MAPK10: variants seen among roughly 807,000 people sequenced by gnomAD.
MAPK10 encodes the protein mitogen-activated protein kinase 10.
MAPK10 carries 25 observed loss-of-function variants against 59.3 expected under a neutral mutation model. That is an observed-to-expected ratio of 0.42 (90% CI 0.31 to 0.59). MAPK10 has a LOEUF of 0.59. MAPK10 is among the 20% of genes least tolerant of loss of function. The pLI, the probability that MAPK10 is intolerant of heterozygous loss-of-function variation, is 0.15. For missense variants in MAPK10, 351 were observed against 568.9 expected, an observed-to-expected ratio of 0.62 and a Z score of 3.90; for synonymous variants, 190 against 200.5, an observed-to-expected ratio of 0.95 and a Z score of 0.44.
At chr4:86,356,947 G>T (rs892136698) in intron 1 of MAPK10, 3 of 152,194 alleles carry the variant, frequency 2.0e-5, no homozygotes, top group Non-Finnish European at 4.4e-5. Flanking sequence ...GCACTCAGCA[G>T]TCCTGCAGCA....
At chr4:86,436,111 A>G (rs1391219449) in intron 1 of MAPK10, among the ~76,000 whole-genome samples, 1 of 152,224 alleles carries the variant, frequency 6.6e-6, no homozygotes, top group African/African-American at 2.4e-5. Context: ...CTATTCAAGC[A>G]GGGAACTTGG....
chr4:86,413,311 G>A (rs1045031477), intron 1 of MAPK10, among the ~76,000 whole-genome samples: 9 of 152,132 alleles, frequency 5.9e-5, no homozygotes, highest in African/African-American at 1.4e-4. Flanking sequence ...CCTGTATGAC[G>A]TGTCTGTCGG....
At chr4:86,237,485 G>A (rs560479693) in intron 2 of MAPK10, among the ~76,000 whole-genome samples, 13 of 152,186 alleles carry the variant, frequency 8.5e-5, no homozygotes, top group South Asian at 2.1e-4. Flanking sequence ...GTATAAAAGC[G>A]TTGCTATTTC....
intron 2 of MAPK10, among the ~76,000 whole-genome samples, chr4:86,204,345 T>C (rs2083334181): frequency 6.6e-6 from 1 of 152,004 alleles, no homozygotes. Context: ...AAAACTTAGA[T>C]GTTTCTTAAA....
intron 1 of MAPK10, among the ~76,000 whole-genome samples, chr4:86,431,120 G>GA (rs1284823190): frequency 6.6e-6 from 1 of 151,316 alleles, no homozygotes; most frequent in Admixed American, 6.6e-5. Context: ...AGAAAGAAAA[G>GA]AAAAAAGAAA....
chr4:86,202,947 A>T (rs996385334), intron 2 of MAPK10, among the ~76,000 whole-genome samples: 8 of 151,964 alleles, frequency 5.3e-5, no homozygotes, highest in Non-Finnish European at 1.2e-4. Context: ...AAATTACAAA[A>T]AATTCGTTTG....
At chr4:86,430,922 G>A (rs113319436) in intron 1 of MAPK10, among the ~76,000 whole-genome samples, 55 of 152,200 alleles carry the variant, frequency 3.6e-4, no homozygotes, top group African/African-American at 1.2e-3. Context: ...TGAAATATTC[G>A]TATGCTTTTC....
At chr4:86,438,118 G>C (rs1748981999) in intron 1 of MAPK10, among the ~76,000 whole-genome samples, 2 of 152,102 alleles carry the variant, frequency 1.3e-5, no homozygotes, top group Admixed American at 6.5e-5. Flanking sequence ...GGGCATAAAT[G>C]GGGGAGGAGG....
intron 1 of MAPK10, among the ~76,000 whole-genome samples, chr4:86,439,227 C>T (rs988777247): frequency 5.3e-5 from 8 of 152,092 alleles, no homozygotes; most frequent in Non-Finnish European, 1.0e-4. Context: ...TTTATCAGTT[C>T]TCTTACCCTA....
chr4:86,495,644 G>A (rs570180235), intron 1 of MAPK10, among the ~76,000 whole-genome samples: 1 of 152,268 alleles, frequency 6.6e-6, no homozygotes, highest in East Asian at 1.9e-4. Flanking sequence ...TCCAAACAAA[G>A]ATGAGATATG....
rs1413368987 is a variant in MAPK10, at chr4:86,252,074, C to T, written c.-6-57667G>A. Among the ~76,000 whole-genome samples the T allele has an allele frequency of 1.8e-4, 21 of 119,476 alleles. 2 individuals carry two copies. The highest frequency in any genetic ancestry group is 4.0e-4 in the East Asian group (2 of 4,968). The allele number at this position is 119,476 out of a possible 152,430, so 78.4% of individuals were successfully genotyped here. A position where few individuals can be genotyped will look rare whatever the true frequency, so the allele number is the denominator to read the frequency against. ...TTCATTGTAGCTTCTGGATATTAGC[C>T]CTTTGTCAGATGAGTAGGTTGCGAA... On this transcript the variant is annotated intron_variant, in intron 2 of 13. Coordinates refer to ENST00000641462, the MANE Select transcript of MAPK10 (RefSeq NM_138982.4).
At chr4:86,364,377 C>G (rs184279089), upstream of MAPK10, among the ~76,000 whole-genome samples, 423 of 152,248 alleles carry the variant, frequency 2.8e-3, 3 homozygotes, top group African/African-American at 9.8e-3. Flanking sequence ...GATCCACCCA[C>G]CTTGACCTCC....
chr4:86,224,123 G>C (rs1425222392), intron 2 of MAPK10, among the ~76,000 whole-genome samples: 1 of 151,646 alleles, frequency 6.6e-6, no homozygotes, highest in Non-Finnish European at 1.5e-5. Context: ...CTAATGATCT[G>C]AGTGCACTGA....
At chr4:86,549,820 G>A (rs927569985) in intron 1 of MAPK10, among the ~76,000 whole-genome samples, 6 of 152,040 alleles carry the variant, frequency 3.9e-5, no homozygotes, top group Non-Finnish European at 8.8e-5. Flanking sequence ...ACTCCAGCCT[G>A]GGTGACAGCA....
At chr4:86,320,143 G>A (rs1190233445) in intron 2 of MAPK10, among the ~76,000 whole-genome samples, 3 of 152,200 alleles carry the variant, frequency 2.0e-5, no homozygotes, top group Non-Finnish European at 4.4e-5. Context: ...AGACAAGTCA[G>A]CTAACTCATC....
Position 86,145,225 on chromosome 4 carries a change from G to A in MAPK10, c.236+14073C>T, listed in dbSNP as rs2064640044. 2.2e-5 allele frequency among the ~76,000 whole-genome samples: 2 copies of A among 92,016 alleles called. 1 individual carries two copies. Among genetic ancestry groups the A allele is most frequent in the Non-Finnish European group, 4.3e-5 (2 of 46,806 alleles). 60.4% of individuals were successfully genotyped at this position (92,016 alleles called of 152,430 possible). On this transcript the variant is annotated intron_variant, in intron 4 of 13. Transcript: ENST00000641462. ...CAAATTTCTATCTCTAGCCGGGCGT[G>A]GTGGCGCGCGCCTGTAGTCCCAGCT... is the stretch of plus-strand genomic sequence containing the variant.
At chr4:86,038,400 T>C (rs933348461) in intron 11 of MAPK10, among the ~76,000 whole-genome samples, 4 of 152,218 alleles carry the variant, frequency 2.6e-5, no homozygotes, top group African/African-American at 9.6e-5. Flanking sequence ...GCTTGGCAGT[T>C]AGATGATTGT....
At chr4:86,303,473 T>C (rs1278186443) in intron 2 of MAPK10, among the ~76,000 whole-genome samples, 1 of 151,984 alleles carries the variant, frequency 6.6e-6, no homozygotes, top group Non-Finnish European at 1.5e-5. Context: ...TGTAGTCTAG[T>C]GGGAAAACTA....
chr4:86,125,408 G>T (rs2059915798), intron 4 of MAPK10: 4 of 151,502 alleles, frequency 2.6e-5, no homozygotes, highest in Admixed American at 2.0e-4. Context: ...TTTCAAAAAT[G>T]TTTGTTTAAA....
Sources: allele counts gnomAD v4.1 joint callset (sites outside exome capture counted in the v4.1 genomes callset), GRCh38; gene constraint gnomAD v4.1.1; transcripts MANE v1.5; gene names NCBI Gene and HGNC (gene_info 2026-07-23, HGNC 2026-07-21).